Variants in RBFOX1 observed in about 807,000 individuals in gnomAD.
RBFOX1 encodes RNA binding protein fox-1 homolog 1.
In RBFOX1, 8 loss-of-function variants were observed where a neutral mutation model predicts 57.7. That is an observed-to-expected ratio of 0.14 (90% confidence interval 0.08 to 0.25). The LOEUF is 0.25. RBFOX1 is among the 10% of genes least tolerant of loss of function. The pLI is 1.00. For synonymous variants in RBFOX1, 326 were observed against 222.4 expected (o/e 1.47, Z -4.15); for missense variants, 611 against 548.5 (o/e 1.11, Z -1.14).
chr16:7,124,222 T>G (rs1379154761), intron 4 of RBFOX1, among the ~76,000 whole-genome samples: 1 of 152,074 alleles, frequency 6.6e-6, no homozygotes, highest in Non-Finnish European at 1.5e-5. Context: ...CTGCTTGATC[T>G]CAGGAGTTGA....
chr16:6,167,789 A>T (rs1284901196), intron 1 of RBFOX1, among the ~76,000 whole-genome samples: 1 of 152,010 alleles, frequency 6.6e-6, no homozygotes, highest in African/African-American at 2.4e-5. Context: ...TCCCTTAGGG[A>T]GTGGAGGCCA....
chr16:6,260,703 C>T (rs1467578810), intron 1 of RBFOX1, among the ~76,000 whole-genome samples: 2 of 152,034 alleles, frequency 1.3e-5, no homozygotes, highest in Non-Finnish European at 2.9e-5. Flanking sequence ...CATGGTGAAA[C>T]CCCATCTGTA....
chr16:7,182,285 G>C (rs1279077478), intron 4 of RBFOX1, among the ~76,000 whole-genome samples: 41 of 152,054 alleles, frequency 2.7e-4, no homozygotes, highest in Non-Finnish European at 1.6e-4. Flanking sequence ...ATAGGGATGT[G>C]AGGTTGAATT....
At chr16:6,774,033 TC>T in intron 3 of RBFOX1, 1 of 981,174 alleles carries the variant, frequency 1.0e-6, no homozygotes, top group Non-Finnish European at 1.2e-6. Flanking sequence ...GTTTGCTTTT[TC>T]TACCTGTAAA....
chr16:6,322,935 C>G (rs2081978226), intron 2 of RBFOX1, among the ~76,000 whole-genome samples: 1 of 152,158 alleles, frequency 6.6e-6, no homozygotes, highest in Non-Finnish European at 1.5e-5. Context: ...TTTGACACTT[C>G]CCTGGCCACC....
intron 4 of RBFOX1, among the ~76,000 whole-genome samples, chr16:7,413,692 T>G (rs2098452202): frequency 6.6e-6 from 1 of 152,026 alleles, no homozygotes; most frequent in African/African-American, 2.4e-5. Context: ...TCAGCGGGTG[T>G]GGCATTCAGA....
chr16:6,898,921 GTA>G (rs1431296878), intron 3 of RBFOX1, among the ~76,000 whole-genome samples: 4 of 151,024 alleles, frequency 2.6e-5, no homozygotes, highest in African/African-American at 7.3e-5. Flanking sequence ...GTGCATATGT[GTA>G]TATGTGTGTA....
intron 9 of RBFOX1, among the ~76,000 whole-genome samples, chr16:7,600,277 T>G (rs2094941114): frequency 6.6e-6 from 1 of 152,196 alleles, no homozygotes; most frequent in Non-Finnish European, 1.5e-5. Context: ...AGAATTTATT[T>G]AAAACACAAA....
intron 1 of RBFOX1, among the ~76,000 whole-genome samples, chr16:6,301,588 G>T (rs1302825295): frequency 6.6e-6 from 1 of 152,060 alleles, no homozygotes; most frequent in Non-Finnish European, 1.5e-5. Flanking sequence ...AACGTTTAGG[G>T]AAGGCTACCC....
chr16:5,273,824 C>A (rs1196771417), intron 1 of RBFOX1, among the ~76,000 whole-genome samples: 1 of 152,120 alleles, frequency 6.6e-6, no homozygotes, highest in African/African-American at 2.4e-5. Flanking sequence ...GATGTAGTTC[C>A]TACCTGGCTT....
intron 4 of RBFOX1, among the ~76,000 whole-genome samples, chr16:5,953,185 G>T (rs778851672): frequency 6.6e-6 from 1 of 152,146 alleles, no homozygotes; most frequent in Non-Finnish European, 1.5e-5. Flanking sequence ...AAGACCAAGT[G>T]CCCTGGGGCC....
intron 1 of RBFOX1, among the ~76,000 whole-genome samples, chr16:5,303,753 G>C (rs1424243408): frequency 6.8e-6 from 1 of 146,980 alleles, no homozygotes; most frequent in Non-Finnish European, 1.5e-5. Flanking sequence ...GATTAATTCT[G>C]AATCTCTTGT....
intron 3 of RBFOX1, among the ~76,000 whole-genome samples, chr16:6,738,960 A>G (rs2071252146): frequency 6.6e-6 from 1 of 152,226 alleles, no homozygotes; most frequent in African/African-American, 2.4e-5. Context: ...CATACAGTGT[A>G]TCAAAATGTG....
At chr16:7,671,169 A>T (rs1001033037) in intron 13 of RBFOX1, among the ~76,000 whole-genome samples, 1 of 152,256 alleles carries the variant, frequency 6.6e-6, no homozygotes, top group African/African-American at 2.4e-5. Flanking sequence ...TAAGGCATTC[A>T]TCTTAAATCC....
intron 3 of RBFOX1, among the ~76,000 whole-genome samples, chr16:6,831,665 A>G (rs1321705614): frequency 2.0e-5 from 3 of 152,170 alleles, no homozygotes; most frequent in Non-Finnish European, 4.4e-5. Context: ...TAATACAAAG[A>G]TGATAACTTG....
intron 3 of RBFOX1, among the ~76,000 whole-genome samples, chr16:7,030,164 G>T (rs1239084836): frequency 6.6e-6 from 1 of 152,274 alleles, no homozygotes; most frequent in South Asian, 2.1e-4. Context: ...ATTGAGCTTT[G>T]TTCTGAGATA....
chr16:5,440,744 T>C (rs1040988450), intron 1 of RBFOX1, among the ~76,000 whole-genome samples: 1 of 152,162 alleles, frequency 6.6e-6, no homozygotes, highest in African/African-American at 2.4e-5. Context: ...GCAGCAGTGG[T>C]GGTGATAGGG....
chr16:5,693,606 G>A (rs1567406311), intron 3 of RBFOX1, among the ~76,000 whole-genome samples: 1 of 152,156 alleles, frequency 6.6e-6, no homozygotes, highest in Non-Finnish European at 1.5e-5. Context: ...TGGAGGGTGG[G>A]TGGTGATGGA....
chr16:6,154,127 C>G (rs912820332), intron 1 of RBFOX1, among the ~76,000 whole-genome samples: 1 of 152,198 alleles, frequency 6.6e-6, no homozygotes, highest in Non-Finnish European at 1.5e-5. Context: ...GCGTCATAAT[C>G]TCACGCTGAC....
Sources: allele counts gnomAD v4.1 joint callset (sites outside exome capture counted in the v4.1 genomes callset), GRCh38; gene constraint gnomAD v4.1.1; transcripts MANE v1.5; gene names NCBI Gene and HGNC (gene_info 2026-07-23, HGNC 2026-07-21).